Variants in ZNF512B observed in about 807,000 individuals in gnomAD.
ZNF512B encodes the protein zinc finger protein 512B.
Under a neutral mutation model 87.8 loss-of-function variants are expected in ZNF512B, and 22 were observed. The ratio of observed to expected loss-of-function variants is 0.25; its 90% CI spans 0.18 to 0.36. The LOEUF (loss-of-function observed/expected upper bound fraction) is 0.36, where lower values mean the gene tolerates loss of function less well. ZNF512B is among the 10% of genes least tolerant of loss of function. The pLI is 1.00. For synonymous variants in ZNF512B, 524 were observed against 490.9 expected (o/e 1.07, Z -0.89); for missense variants, 1,060 against 1,231.6 (o/e 0.86, Z 2.09).
At chr20:63,966,812 G>T in intron 4 of ZNF512B, 31 bp from the exon 5 acceptor site, 2 of 1,605,978 alleles carry the variant, frequency 1.2e-6, no homozygotes, top group Non-Finnish European at 1.7e-6. Flanking sequence ...TTGGGACAGG[G>T]CCCCAAGGGC....
intron 2 of ZNF512B, 68 bp downstream of exon 2, chr20:63,967,761 CA>C: frequency 6.4e-7 from 1 of 1,572,396 alleles, no homozygotes; most frequent in South Asian, 1.1e-5. Flanking sequence ...ACGCCCAGGG[CA>C]ATGGTCCACT....
rs766732477 is a variant in ZNF512B, at chr20:63,960,108, G to C, written c.2459C>G (p.Pro820Arg). 3 of 1,613,920 alleles carry C rather than the reference G, an allele frequency of 1.9e-6. No homozygotes were observed. In the Admixed American group the frequency reaches 5.0e-5, roughly 27 times the overall value. The change falls in exon 17 of 17, where the codon CCC becomes CGC. Residue 820 changes from proline to arginine, a missense_variant. Pro to Arg is a moderately radical substitution (Grantham distance 103, BLOSUM62 -2). Transcript: ENST00000369888. ...CAATGAGTCCTGGCTCCTGTGTTTG[G>C]GAGGTGGGTCTGCTGATGTTCGGAA... ...NWFRTSADPP[P>R]KHRSQDSLVP...
chr20:63,964,379 T>G lies in ZNF512B; in HGVS notation c.1274A>C (p.Lys425Thr). 6.2e-7 allele frequency: 1 copy of G among 1,613,830 alleles called. No individual in the cohort carries two copies. Among genetic ancestry groups the G allele is most frequent in the Non-Finnish European group, 8.5e-7 (1 of 1,179,902 alleles). The change falls in exon 7 of 17, where the codon AAA (lysine) becomes ACA (threonine). Residue 425 changes from lysine (K) to threonine (T), a missense_variant. By Grantham distance (78) the Lys-to-Thr change is moderately conservative (BLOSUM62 -1). Coordinates refer to ENST00000369888, the MANE Select transcript of ZNF512B (RefSeq NM_020713.3). ...CTCCCCTGTAAACTTTTTGGGTGTT[T>G]TCTGTTTCCTTCCTGACTCGGGGAG... ...PERTKHRRKQ[K>T]TPKKFTGEQP... is the part of the protein sequence containing the mutation.
chr20:63,964,581 C>T lies in ZNF512B; in HGVS notation c.1170G>A (p.Ser390=), dbSNP rs777384963. Residue 390 remains serine (S), a synonymous_variant, in exon 6 of 17, where the codon TCG becomes TCA. Transcript: ENST00000369888. ...LSADTSSGSL[S]PGSRPSGGME... is the part of the protein sequence containing the mutation. ...TGCCCCCTGACGGCCTGCTGCCTGGCGACAAGGAGCCACTGCTGGTGTCTG... is the reference window on the plus strand; with the variant it reads ...TGCCCCCTGACGGCCTGCTGCCTGGTGACAAGGAGCCACTGCTGGTGTCTG... The T allele has an allele frequency of 1.7e-5, 27 of 1,613,156 alleles. No individual in the cohort carries two copies. Among genetic ancestry groups the T allele is most frequent in the South Asian group, 6.6e-5 (6 of 91,064 alleles).
intron 1 of ZNF512B, among the ~76,000 whole-genome samples, chr20:63,968,935 A>G (rs964074370): frequency 1.3e-5 from 2 of 152,272 alleles, no homozygotes; most frequent in Non-Finnish European, 2.9e-5. Flanking sequence ...GGGGTGGGAC[A>G]GGAAGCAGGG....
intron 11 of ZNF512B, 34 bp downstream of exon 11, chr20:63,963,308 C>T: frequency 2.0e-6 from 3 of 1,537,262 alleles, no homozygotes; most frequent in Non-Finnish European, 2.6e-6. Context: ...CAGCAGGGCC[C>T]CCCCACCCCA....
At chr20:63,969,673 C>A (rs1439857036) in intron 1 of ZNF512B, 141 bp downstream of exon 1, 20 of 120,528 alleles carry the variant, frequency 1.7e-4, no homozygotes, top group African/African-American at 5.5e-4. Flanking sequence ...CGGCGCGGGG[C>A]GCGGGGGCTC....
chr20:63,967,609 G>A (rs767897970), intron 2 of ZNF512B, 86 bp from the exon 3 acceptor site: 2 of 1,506,652 alleles, frequency 1.3e-6, no homozygotes, highest in South Asian at 2.6e-5. Flanking sequence ...GAGCACCGCT[G>A]TCCCAACACG....
In ZNF512B at chr20:63,957,197, A is replaced by G. The variant is rs1038106473; in HGVS notation, c.*2691T>C. 2.0e-5 allele frequency: 3 copies of G among 152,636 alleles called. No individual in the cohort carries two copies. The highest frequency in any genetic ancestry group is 7.2e-5 in the African/African-American group (3 of 41,478). 9.5% of individuals were successfully genotyped at this position (152,636 alleles called of 1,614,324 possible). On this transcript the variant is annotated 3_prime_UTR_variant, in exon 17 of 17. Transcript: ENST00000369888. ...CACCCTCACCTGCCTTTGCACCAGC[A>G]AATAAAGTGCATCCCATTTTCGTGT... is the stretch of plus-strand genomic sequence containing the variant.
chr20:63,966,622 G>T lies in ZNF512B; in HGVS notation c.553C>A (p.Pro185Thr), dbSNP rs1249731219. The T allele has an allele frequency of 1.2e-6, 2 of 1,613,338 alleles. No individual in the cohort carries two copies. The highest frequency in any genetic ancestry group is 1.7e-6 in the Non-Finnish European group (2 of 1,179,922). Reference sequence around the variant, plus strand: ...CCGATGGGCTTGCTGACCCCAACAGGCCGGCTGATGGTGACCGGCCTGCTG... The same window carrying T: ...CCGATGGGCTTGCTGACCCCAACAGTCCGGCTGATGGTGACCGGCCTGCTG... ...PISRPVTISR[P>T]VGVSKPIGVS... Residue 185 changes from proline (P) to threonine (T), a missense_variant, in exon 5 of 17, where the codon CCT becomes ACT. Transcript: ENST00000369888.
At chr20:63,968,599 C>G (rs1204602315) in intron 1 of ZNF512B, among the ~76,000 whole-genome samples, 1 of 152,216 alleles carries the variant, frequency 6.6e-6, no homozygotes, top group Non-Finnish European at 1.5e-5. Context: ...CTGGCCCAAT[C>G]TGGCACTGCA....
rs759264117 is a variant in ZNF512B, at chr20:63,963,771, TTCC to T, written c.1605+15_1605+17del. On this transcript the variant is annotated intron_variant, in intron 9 of 16. Coordinates refer to ENST00000369888, the MANE Select transcript of ZNF512B (RefSeq NM_020713.3). ...GCCAGGGCGCCTCCCTCCCAGCGCC[TTCC>T]GGGAGCTGCCTTACCTTCTGACACA... The T allele has an allele frequency of 6.2e-7, 1 of 1,613,090 alleles. No homozygotes were observed. Among genetic ancestry groups the T allele is most frequent in the Non-Finnish European group, 8.5e-7 (1 of 1,180,014 alleles).
intron 14 of ZNF512B, 133 bp from the exon 15 acceptor site, chr20:63,962,137 G>T: frequency 7.7e-7 from 1 of 1,300,518 alleles, no homozygotes; most frequent in Non-Finnish European, 1.1e-6. Context: ...GGACTGGGCA[G>T]GCTGGGCATG....
Position 63,959,971 on chromosome 20 carries a change from C to A in ZNF512B, c.2596G>T (p.Asp866Tyr), listed in dbSNP as rs371876595. Reference sequence around the variant, plus strand: ...TTGTCTCTGCATCCTGGAGGCCAGTCGTCCCGGCGCGGGGGCAGCTTGGCC... The same window carrying A: ...TTGTCTCTGCATCCTGGAGGCCAGTAGTCCCGGCGCGGGGGCAGCTTGGCC... Reference protein sequence around the residue: ...PVAKLPPRRDDWPPGCRDKGA... With the variant: ...PVAKLPPRRDYWPPGCRDKGA... Residue 866 changes from aspartate to tyrosine, a missense_variant, in exon 17 of 17, where the codon GAC (aspartate) becomes TAC (tyrosine). This residue lies in a region of ZNF512B where 253 missense variants were observed against 259.2 expected (regional missense o/e 0.98). Transcript: ENST00000369888. The A allele has an allele frequency of 6.2e-7, 1 of 1,612,062 alleles. No individual in the cohort carries two copies. The highest frequency in any genetic ancestry group is 8.5e-7 in the Non-Finnish European group (1 of 1,179,960).
rs1289328245 is a variant in ZNF512B, at chr20:63,963,100, C to T, written c.1963G>A (p.Ala655Thr). The T allele has an allele frequency of 1.9e-6, 3 of 1,555,418 alleles. No homozygotes were observed. The highest frequency in any genetic ancestry group is 1.2e-5 in the South Asian group (1 of 85,296). ...HDYHVRSEHT[A>T]PPPEEPTDKS... ...CAGAACAGAGAGCCACTCACGGGGG[C>T]CGTGTGCTCCGAGCGCACGTGGTAG... is the stretch of plus-strand genomic sequence containing the variant. The change falls in exon 12 of 17, where the codon GCC becomes ACC. Residue 655 changes from alanine to threonine, a missense_variant. Ala to Thr is a moderately conservative substitution (Grantham distance 58). This residue lies in a region of ZNF512B where 165 missense variants were observed against 173.0 expected (regional missense o/e 0.95). Coordinates refer to ENST00000369888, the MANE Select transcript of ZNF512B (RefSeq NM_020713.3).
In ZNF512B at chr20:63,964,326, G is replaced by T. The variant is rs2058895865; in HGVS notation, c.1327C>A (p.Leu443Ile). The change falls in exon 7 of 17, where the codon CTC (leucine) becomes ATC (isoleucine). Residue 443 changes from leucine (L) to isoleucine (I), a missense_variant. Leu to Ile is a conservative substitution (Grantham distance 5). This residue lies in a region of ZNF512B where 212 missense variants were observed against 207.6 expected (regional missense o/e 1.02). Transcript: ENST00000369888. ...EQPSISGTFGLKGLVKAEDKA... is the reference protein window; with the variant it reads ...EQPSISGTFGIKGLVKAEDKA... ...CACCGGGCTGGGGTCTTACCTTTGA[G>T]CCCAAAGGTCCCTGAGATGGATGGC... 3 of 1,613,788 alleles carry T rather than the reference G, an allele frequency of 1.9e-6. No homozygotes were observed. The highest frequency in any genetic ancestry group is 2.5e-6 in the Non-Finnish European group (3 of 1,179,948).
rs557629148 is a variant in ZNF512B, at chr20:63,963,328, G to A, written c.1797+14C>T. 15 of 1,538,720 alleles carry A rather than the reference G, an allele frequency of 9.7e-6. No individual in the cohort carries two copies. In the Middle Eastern group the frequency reaches 5.3e-4, roughly 54 times the overall value. The stretch of plus-strand genomic sequence containing the variant: ...GGGCCCCCCCACCCCACACTGCCGC[G>A]GCCCCCCACTGACCTCCTGGGGGCA... On this transcript the variant is annotated intron_variant, in intron 11 of 16. Coordinates refer to ENST00000369888, the MANE Select transcript of ZNF512B (RefSeq NM_020713.3).
rs527317007 is a variant in ZNF512B at position 63,960,936 on chromosome 20, G to A, written c.2427+373C>T. Among the ~76,000 whole-genome samples the A allele has an allele frequency of 5.5e-5, 8 of 145,604 alleles. No homozygotes were observed. The South Asian group carries it at 1.8e-3, about 32-fold the overall frequency. On this transcript the variant is annotated intron_variant, in intron 16 of 16. Transcript: ENST00000369888. Reference sequence around the variant, plus strand: ...GACCAGGCAAGCACCTGCAGCAGGGGGCTGGACACAGCCTTCGGGACCAGG... The same window carrying A: ...GACCAGGCAAGCACCTGCAGCAGGGAGCTGGACACAGCCTTCGGGACCAGG...
rs1216677368 is a variant in ZNF512B, at chr20:63,964,177, G to C, written c.1374C>G (p.Ser458=). ...CAGGGCCTGGCCCCTCCTGCTTCTTGGAGCGGTGAACTCGGGCCTTGTCCT... is the reference window on the plus strand; with the variant it reads ...CAGGGCCTGGCCCCTCCTGCTTCTTCGAGCGGTGAACTCGGGCCTTGTCCT... ...KAEDKARVHR[S]KKQEGPGPED... is the part of the protein sequence containing the mutation. The change falls in exon 8 of 17, where the codon TCC becomes TCG. Residue 458 remains serine, a synonymous_variant. Coordinates refer to ENST00000369888, the MANE Select transcript of ZNF512B (RefSeq NM_020713.3). 2 of 1,598,842 alleles carry C rather than the reference G, an allele frequency of 1.3e-6. No homozygotes were observed. Among genetic ancestry groups the C allele is most frequent in the Non-Finnish European group, 1.7e-6 (2 of 1,173,556 alleles).
Sources: gnomAD v4.1 joint callset for allele counts (sites outside exome capture counted in the v4.1 genomes callset) on GRCh38, gnomAD v4.1.1 for gene constraint, gnomAD v4.1.1 regional missense constraint, MANE v1.5 for transcripts, NCBI Gene and HGNC (gene_info 2026-07-23, HGNC 2026-07-21) for gene names.